The following TNNI3K variants were observed in gnomAD, a reference collection of about 807,000 sequenced individuals.
The protein encoded by TNNI3K is serine/threonine-protein kinase TNNI3K.
In TNNI3K, 140 loss-of-function variants were observed where a neutral mutation model predicts 114.5. The ratio of observed to expected loss-of-function variants is 1.22; its 90% CI spans 1.07 to 1.41. The LOEUF (loss-of-function observed/expected upper bound fraction) is 1.41, where lower values mean the gene tolerates loss of function less well. Ranked by LOEUF, TNNI3K falls within the 40% of genes most tolerant of loss-of-function variation. The pLI, the probability that TNNI3K is intolerant of heterozygous loss-of-function variation, is 0.00. For synonymous variants in TNNI3K, 347 were observed against 347.5 expected, an observed-to-expected ratio of 1.00 and a Z score of 0.02; for missense variants, 1,125 against 1,007.6, an observed-to-expected ratio of 1.12 and a Z score of -1.58.
intron 23 of TNNI3K, among the ~76,000 whole-genome samples, chr1:74,527,834 A>T (rs1423439220): frequency 6.6e-6 from 1 of 152,182 alleles, no homozygotes; most frequent in Admixed American, 6.5e-5. Context: ...TCCCCAATGG[A>T]TATGGAGCAG....
intron 5 of TNNI3K, among the ~76,000 whole-genome samples, chr1:74,289,049 A>G (rs1657500599): frequency 1.7e-5 from 2 of 120,016 alleles, no homozygotes; most frequent in Non-Finnish European, 3.5e-5. Flanking sequence ...TCTTCCACAT[A>G]GTGTGGTTAA....
intron 11 of TNNI3K, 125 bp downstream of exon 11, chr1:74,354,254 T>C (rs1166597790): frequency 6.1e-6 from 9 of 1,479,658 alleles, no homozygotes; most frequent in Non-Finnish European, 8.2e-6. Flanking sequence ...TAGATTTTAC[T>C]TGAGTTTCTG....
chr1:74,301,038 A>G (rs1363152156), intron 5 of TNNI3K, among the ~76,000 whole-genome samples: 4 of 152,212 alleles, frequency 2.6e-5, no homozygotes, highest in African/African-American at 7.2e-5. Context: ...AGAGATATGC[A>G]AGATTTATCT....
intron 5 of TNNI3K, among the ~76,000 whole-genome samples, chr1:74,277,405 CAA>C (rs1656748984): frequency 6.6e-6 from 1 of 151,928 alleles, no homozygotes; most frequent in South Asian, 2.1e-4. Context: ...CCACAAGACA[CAA>C]AAAAAGTATT....
At chr1:74,267,231 ATAT>A (rs1160931592) in intron 4 of TNNI3K, among the ~76,000 whole-genome samples, 2 of 151,990 alleles carry the variant, frequency 1.3e-5, no homozygotes, top group Non-Finnish European at 2.9e-5. Context: ...AATTTGCCTA[ATAT>A]TTGCATTTTA....
At chr1:74,480,340 C>T (rs745901626) in intron 21 of TNNI3K, 4 of 717,610 alleles carry the variant, frequency 5.6e-6, no homozygotes, top group Non-Finnish European at 1.0e-5. Flanking sequence ...CATTCCTGAG[C>T]GTGTGAGCAG....
rs778080055 is a variant in TNNI3K, at chr1:74,543,932, A to G, written c.2458A>G (p.Met820Val). The change falls in exon 25 of 25, where the codon ATG (methionine) becomes GTG (valine). Residue 820 changes from methionine to valine, a missense_variant. By Grantham distance (21) the Met-to-Val change is conservative. Transcript: ENST00000326637. ...CTATGTATCCGATCCCATGAGCTCA[A>G]TGCATTTTCATTCTTGCCGAAATAG... ...YGYVSDPMSS[M>V]HFHSCRNSSS... 5.0e-6 allele frequency: 8 copies of G among 1,613,306 alleles called. No individual in the cohort carries two copies. Among genetic ancestry groups the G allele is most frequent in the African/African-American group, 4.0e-5 (3 of 74,882 alleles).
At chr1:74,271,028 A>G (rs2100893142) in intron 4 of TNNI3K, among the ~76,000 whole-genome samples, 1 of 151,798 alleles carries the variant, frequency 6.6e-6, no homozygotes, top group African/African-American at 2.4e-5. Flanking sequence ...CACTGGTAAA[A>G]CGAGTCAAGT....
chr1:74,490,017 T>C (rs1281311398), intron 22 of TNNI3K, among the ~76,000 whole-genome samples: 6 of 111,490 alleles, frequency 5.4e-5, no homozygotes, highest in Non-Finnish European at 1.0e-4. Flanking sequence ...AGTCTCAAAG[T>C]GGAACCATCA....
chr1:74,375,914 C>T (rs768143969), intron 17 of TNNI3K: 42 of 222,264 alleles, frequency 1.9e-4, no homozygotes, highest in Non-Finnish European at 3.5e-4. Context: ...AGGGTCACAA[C>T]GATATTCTCA....
intron 5 of TNNI3K, among the ~76,000 whole-genome samples, chr1:74,309,945 G>T (rs1658887610): frequency 6.6e-6 from 1 of 152,122 alleles, no homozygotes. Flanking sequence ...CATAATACTG[G>T]AAGTTGTAGA....
rs1211423908 is a variant in TNNI3K at position 74,235,485 on chromosome 1, TGTACTG to T, written c.38_40+3del. The T allele has an allele frequency of 1.4e-6, 2 of 1,463,978 alleles. No homozygotes were observed. Among genetic ancestry groups the T allele is most frequent in the Non-Finnish European group, 9.4e-7 (1 of 1,062,054 alleles). 90.7% of individuals were successfully genotyped at this position (1,463,978 alleles called of 1,614,324 possible). On this transcript the variant is annotated inframe_deletion and splice_region_variant, in exon 1 of 25. Transcript: ENST00000326637. Reference sequence around the variant, plus strand: ...TTATAAATCTAGACCAACCCAAACTTGTACTGGTAATTATTCTAATTATTCTTATTT... The same window carrying T: ...TTATAAATCTAGACCAACCCAAACTTGTAATTATTCTAATTATTCTTATTT...
rs936082064 is a variant in TNNI3K, at chr1:74,370,307, AAATT to A, written c.1693_1696del (p.Ile565LeufsTer3). ...TTCTAGGATTCTTGATTTGCAGTCTAAATTAATTATTGCAGTAGATGTTGCCAAA... is the reference window on the plus strand; with the variant it reads ...TTCTAGGATTCTTGATTTGCAGTCTAAATTATTGCAGTAGATGTTGCCAAA... On this transcript the variant is annotated frameshift_variant, in exon 17 of 25. Coordinates refer to ENST00000326637, the MANE Select transcript of TNNI3K (RefSeq NM_015978.3). LOFTEE classifies it high-confidence loss of function. 1.9e-6 allele frequency: 3 copies of A among 1,598,920 alleles called. No individual in the cohort carries two copies. The highest frequency in any genetic ancestry group is 2.6e-6 in the Non-Finnish European group (3 of 1,171,608).
At chr1:74,453,048 T>C (rs1667092091) in intron 20 of TNNI3K, among the ~76,000 whole-genome samples, 1 of 152,200 alleles carries the variant, frequency 6.6e-6, no homozygotes, top group Non-Finnish European at 1.5e-5. Context: ...CCATTTATCA[T>C]TGCATTTATC....
In TNNI3K at chr1:74,299,532, C is replaced by A. The variant is rs1176245099; in HGVS notation, c.444+27824C>A. 2.0e-5 allele frequency among the ~76,000 whole-genome samples: 3 copies of A among 152,108 alleles called. No homozygotes were observed. In the East Asian group the frequency reaches 5.8e-4, roughly 29 times the overall value. On this transcript the variant is annotated intron_variant, in intron 5 of 24. Coordinates refer to ENST00000326637, the MANE Select transcript of TNNI3K (RefSeq NM_015978.3). ...ATCTTTGAAAACAACCTGTATTGAGCGTTTTCAGTATGCCAGGTATTTTCT... is the reference window on the plus strand; with the variant it reads ...ATCTTTGAAAACAACCTGTATTGAGAGTTTTCAGTATGCCAGGTATTTTCT...
At position 74,287,725 on chromosome 1, in the gene TNNI3K, A is replaced by T. The variant is rs139398859; in HGVS notation, c.444+16017A>T. ...AACACAAGAAACAAAGCAAAAAGAG[A>T]TTAACAGGATTGCATCAAACTAAAA... On this transcript the variant is annotated intron_variant, in intron 5 of 24. Transcript: ENST00000326637. Among the ~76,000 whole-genome samples, 852 of 152,296 alleles carry T rather than the reference A, an allele frequency of 5.6e-3. 10 individuals carry two copies. Among genetic ancestry groups the T allele is most frequent in the African/African-American group, 0.02 (815 of 41,578 alleles).
intron 20 of TNNI3K, among the ~76,000 whole-genome samples, chr1:74,452,719 G>A (rs1401868288): frequency 6.6e-6 from 1 of 151,412 alleles, no homozygotes; most frequent in East Asian, 1.9e-4. Context: ...TTGCTCTTAA[G>A]ATAAAAACAA....
chr1:74,386,480 T>G (rs1248113015), intron 17 of TNNI3K, among the ~76,000 whole-genome samples: 1 of 152,104 alleles, frequency 6.6e-6, no homozygotes, highest in Non-Finnish European at 1.5e-5. Flanking sequence ...ATCTATGGGA[T>G]CTAATGAAAT....
chr1:74,365,808 T>C (rs777201874), intron 11 of TNNI3K, among the ~76,000 whole-genome samples: 10 of 152,086 alleles, frequency 6.6e-5, no homozygotes, highest in South Asian at 2.1e-4. Context: ...GTTATTTCAT[T>C]ATAACTTATT....
Sources: allele counts gnomAD v4.1 joint callset (sites outside exome capture counted in the v4.1 genomes callset), GRCh38; gene constraint gnomAD v4.1.1; transcripts MANE v1.5; gene names NCBI Gene and HGNC (gene_info 2026-07-23, HGNC 2026-07-21).